Variants in RBFOX1 observed in about 807,000 individuals in gnomAD.
RBFOX1 encodes RNA binding fox-1 homolog 1, also known as RNA binding protein fox-1 homolog 1.
RBFOX1 carries 8 observed loss-of-function variants against 57.7 expected under a neutral mutation model. The ratio of observed to expected loss-of-function variants is 0.14; its 90% confidence interval spans 0.08 to 0.25. RBFOX1 has a LOEUF of 0.25. Among genes scored for constraint, RBFOX1 ranks in the 10% least tolerant of loss-of-function variants. RBFOX1 has a pLI of 1.00. For missense variants in RBFOX1, 611 were observed against 548.5 expected (o/e 1.11, Z -1.14); for synonymous variants, 326 against 222.4 (o/e 1.47, Z -4.15).
chr16:7,545,023 A>C (rs1179990627), intron 5 of RBFOX1, among the ~76,000 whole-genome samples: 2 of 152,236 alleles, frequency 1.3e-5, no homozygotes, highest in Non-Finnish European at 2.9e-5. Context: ...TAAGCCGAGC[A>C]GTACAGTGAA....
intron 3 of RBFOX1, among the ~76,000 whole-genome samples, chr16:5,651,568 G>A (rs2049242127): frequency 6.6e-6 from 1 of 151,982 alleles, no homozygotes; most frequent in African/African-American, 2.4e-5. Flanking sequence ...ATTTTTTCGG[G>A]GGAAATGAGC....
intron 3 of RBFOX1, among the ~76,000 whole-genome samples, chr16:6,798,090 C>T (rs200337102): frequency 6.6e-6 from 1 of 151,986 alleles, no homozygotes; most frequent in African/African-American, 2.4e-5. Context: ...TAAATATATG[C>T]CACACCCTTA....
At chr16:5,467,386 G>C (rs1426476424) in intron 2 of RBFOX1, 3 of 805,092 alleles carry the variant, frequency 3.7e-6, no homozygotes, top group Non-Finnish European at 5.7e-6. Flanking sequence ...CCACAGCACA[G>C]TTCATCCCTT....
At chr16:5,830,708 T>TAGAATAAC (rs1304622034) in intron 3 of RBFOX1, among the ~76,000 whole-genome samples, 2 of 152,206 alleles carry the variant, frequency 1.3e-5, no homozygotes, top group Non-Finnish European at 2.9e-5. Context: ...ACCACTGCCC[T>TAGAATAAC]AGAATAACAC....
intron 3 of RBFOX1, among the ~76,000 whole-genome samples, chr16:5,714,010 T>C (rs911532267): frequency 2.0e-5 from 3 of 152,310 alleles, no homozygotes; most frequent in Admixed American, 6.5e-5. Context: ...ACAGGGCTTG[T>C]TACCTAATTA....
At chr16:6,564,067 A>C (rs1202593209) in intron 2 of RBFOX1, among the ~76,000 whole-genome samples, 1 of 151,898 alleles carries the variant, frequency 6.6e-6, no homozygotes, top group Non-Finnish European at 1.5e-5. Context: ...ACCTCCACCA[A>C]CCTTAACCTC....
At chr16:5,476,817 C>G (rs149080660) in intron 2 of RBFOX1, among the ~76,000 whole-genome samples, 262 of 152,270 alleles carry the variant, frequency 1.7e-3, no homozygotes, top group Middle Eastern at 0.014. Context: ...AAATCCTTTC[C>G]TCAAGATGGC....
intron 2 of RBFOX1, among the ~76,000 whole-genome samples, chr16:6,472,303 C>A (rs1597729388): frequency 6.6e-6 from 1 of 152,310 alleles, no homozygotes; most frequent in Admixed American, 6.5e-5. Flanking sequence ...TGATTGGTAT[C>A]TCTATGGTAC....
intron 3 of RBFOX1, among the ~76,000 whole-genome samples, chr16:5,737,141 A>G (rs1415213793): frequency 1.3e-5 from 2 of 151,960 alleles, no homozygotes; most frequent in Non-Finnish European, 1.5e-5. Context: ...TGGATGCTTC[A>G]TGTCAGCAAT....
chr16:6,948,629 G>A (rs778179699), intron 3 of RBFOX1, among the ~76,000 whole-genome samples: 6 of 151,798 alleles, frequency 4.0e-5, no homozygotes, highest in Non-Finnish European at 8.8e-5. Context: ...TGATCTGCTC[G>A]CCTTGGCCTC....
chr16:7,534,779 G>A (rs561423422), intron 5 of RBFOX1, among the ~76,000 whole-genome samples: 82 of 26,950 alleles, frequency 3.0e-3, no homozygotes, highest in African/African-American at 9.9e-3. Context: ...GCAGGATCCA[G>A]GTTTTAGGGG....
intron 3 of RBFOX1, among the ~76,000 whole-genome samples, chr16:6,918,155 G>A (rs1367401328): frequency 6.6e-6 from 1 of 152,006 alleles, no homozygotes; most frequent in East Asian, 1.9e-4. Context: ...GGGTATGCTA[G>A]CCTGTAGTCC....
At chr16:6,755,574 T>C (rs2075661935) in intron 3 of RBFOX1, among the ~76,000 whole-genome samples, 1 of 152,224 alleles carries the variant, frequency 6.6e-6, no homozygotes, top group Non-Finnish European at 1.5e-5. Flanking sequence ...ATTTATCTCT[T>C]AGTGGAGCAT....
intron 3 of RBFOX1, among the ~76,000 whole-genome samples, chr16:6,729,357 A>G (rs879671097): frequency 2.6e-5 from 4 of 152,192 alleles, no homozygotes; most frequent in Non-Finnish European, 5.9e-5. Context: ...AATCTAATTC[A>G]GTCATTCACT....
In RBFOX1 at chr16:5,454,903, T is replaced by C. The variant is rs1186764144; in HGVS notation, c.220-12313T>C. On this transcript the variant is annotated intron_variant, in intron 1 of 2. Coordinates refer to the RBFOX1 transcript ENST00000585867. Reference sequence around the variant, plus strand: ...CTTTCTTTCTTTCTTTCTTTCTTTCTTTCTTTCTTTCCTTTGTTTCTTTCT... The same window carrying C: ...CTTTCTTTCTTTCTTTCTTTCTTTCCTTCTTTCTTTCCTTTGTTTCTTTCT... Among the ~76,000 whole-genome samples, 127 of 97,420 alleles carry C rather than the reference T, an allele frequency of 1.3e-3. 4 individuals carry two copies. The highest frequency in any genetic ancestry group is 6.6e-3 in the East Asian group (21 of 3,170). 63.9% of individuals were successfully genotyped at this position (97,420 alleles called of 152,430 possible).
chr16:6,919,472 C>T (rs577055988), intron 3 of RBFOX1, among the ~76,000 whole-genome samples: 1 of 151,800 alleles, frequency 6.6e-6, no homozygotes, highest in African/African-American at 2.4e-5. Context: ...AAGTAAACTT[C>T]TCAGCATCAC....
intron 3 of RBFOX1, among the ~76,000 whole-genome samples, chr16:7,048,700 TTTGCTATG>T (rs2048909666): frequency 6.6e-6 from 1 of 151,924 alleles, no homozygotes. Context: ...TTCCAACATC[TTTGCTATG>T]TTGATGTTGG....
In RBFOX1 at chr16:6,700,942, G is replaced by C. The variant is rs17140973; in HGVS notation, c.-16+46292G>C. Among the ~76,000 whole-genome samples, 1,164 of 152,162 alleles carry C rather than the reference G, an allele frequency of 7.6e-3. 17 individuals carry two copies. The highest frequency in any genetic ancestry group is 0.026 in the African/African-American group (1,091 of 41,494). On this transcript the variant is annotated intron_variant, in intron 3 of 15. Transcript: ENST00000550418. ...ACTACTTAACCATTGTTCGAGGTTG[G>C]GTTCACAGATAATCAGAAGGCATTG... is the stretch of plus-strand genomic sequence containing the variant.
intron 3 of RBFOX1, among the ~76,000 whole-genome samples, chr16:6,729,747 G>A (rs992196751): frequency 1.4e-4 from 21 of 152,076 alleles, no homozygotes; most frequent in African/African-American, 5.1e-4. Context: ...TTGGGAGTTG[G>A]GTCTTAAAGT....
Sources: allele counts gnomAD v4.1 joint callset (sites outside exome capture counted in the v4.1 genomes callset), GRCh38; gene constraint gnomAD v4.1.1; transcripts MANE v1.5; gene names NCBI Gene and HGNC (gene_info 2026-07-23, HGNC 2026-07-21).